CCDC60: variants seen among roughly 807,000 people sequenced by gnomAD.
CCDC60 encodes coiled-coil domain containing 60.
In CCDC60, 54 loss-of-function variants were observed where a neutral mutation model predicts 63.5. That is an observed-to-expected ratio of 0.85 (90% CI 0.68 to 1.07). CCDC60 has a LOEUF of 1.07. Ranked by LOEUF, CCDC60 falls within the 50% of genes least tolerant of loss-of-function variation. The probability of loss-of-function intolerance (pLI) is 0.00; values close to 1 mark genes in which losing one functional copy is unlikely to be tolerated. For missense variants in CCDC60, 651 were observed against 684.3 expected (o/e 0.95, Z 0.54); for synonymous variants, 206 against 238.8 (o/e 0.86, Z 1.27).
intron 3 of CCDC60, among the ~76,000 whole-genome samples, chr12:119,472,576 CTTT>C (rs11303138): frequency 4.2e-4 from 41 of 97,638 alleles, no homozygotes; most frequent in Admixed American, 4.9e-4. Flanking sequence ...AAAATGCCTC[CTTT>C]TTTTTTTTTT....
At chr12:119,429,997 T>A (rs1309711051) in intron 2 of CCDC60, among the ~76,000 whole-genome samples, 1 of 152,198 alleles carries the variant, frequency 6.6e-6, no homozygotes, top group Non-Finnish European at 1.5e-5. Flanking sequence ...AATGTATTGA[T>A]GAGATGCTTT....
chr12:119,498,382 G>A (rs1265323827), intron 5 of CCDC60, among the ~76,000 whole-genome samples: 1 of 151,914 alleles, frequency 6.6e-6, no homozygotes, highest in Non-Finnish European at 1.5e-5. Flanking sequence ...CCCCAGGCTG[G>A]AGTGCAATGG....
intron 1 of CCDC60, among the ~76,000 whole-genome samples, chr12:119,421,367 C>A (rs1956809863): frequency 6.6e-6 from 1 of 152,120 alleles, no homozygotes; most frequent in African/African-American, 2.4e-5. Context: ...ACCGCTACCC[C>A]TCAGGTAGTT....
chr12:119,400,272 A>C (rs1190270589), intron 1 of CCDC60, among the ~76,000 whole-genome samples: 2 of 152,094 alleles, frequency 1.3e-5, no homozygotes, highest in African/African-American at 4.8e-5. Context: ...GATGGTCTCG[A>C]TCTCCTGACC....
At chr12:119,532,870 G>A (rs543208201) in intron 13 of CCDC60, among the ~76,000 whole-genome samples, 37 of 152,204 alleles carry the variant, frequency 2.4e-4, no homozygotes, top group African/African-American at 8.7e-4. Flanking sequence ...TAGTGCTGCA[G>A]TAAACATATG....
At chr12:119,424,588 G>A (rs1339695968) in intron 1 of CCDC60, among the ~76,000 whole-genome samples, 1 of 152,152 alleles carries the variant, frequency 6.6e-6, no homozygotes, top group East Asian at 1.9e-4. Flanking sequence ...CTCTAGAAAG[G>A]TTGTAGAGAG....
intron 7 of CCDC60, among the ~76,000 whole-genome samples, chr12:119,513,848 G>A (rs1439721548): frequency 6.6e-6 from 1 of 152,166 alleles, no homozygotes; most frequent in Non-Finnish European, 1.5e-5. Flanking sequence ...ACAGTACACA[G>A]TACTGTACTT....
rs550503310 is a variant in CCDC60, at chr12:119,436,602, G to A, written c.170+7840G>A. ...TGCCCAGGCTGGAGTGCAATGGCAC[G>A]ATCTCGGCTCACTGCAACCTCCGCC... On this transcript the variant is annotated intron_variant, in intron 2 of 13. Transcript: ENST00000327554. Among the ~76,000 whole-genome samples, 28 of 150,460 alleles carry A rather than the reference G, an allele frequency of 1.9e-4. No homozygotes were observed. In the East Asian group the frequency reaches 2.2e-3, roughly 12 times the overall value.
At chr12:119,405,517 A>T (rs1956470624) in intron 1 of CCDC60, among the ~76,000 whole-genome samples, 1 of 152,222 alleles carries the variant, frequency 6.6e-6, no homozygotes, top group Non-Finnish European at 1.5e-5. Context: ...AAACTCTGTT[A>T]GTTTTTAGAA....
chr12:119,445,488 A>C (rs1950527907), intron 2 of CCDC60, among the ~76,000 whole-genome samples: 1 of 87,466 alleles, frequency 1.1e-5, no homozygotes, highest in Non-Finnish European at 2.2e-5. Context: ...TTCTGCCCTG[A>C]GCTAAAAAAA....
intron 11 of CCDC60, among the ~76,000 whole-genome samples, chr12:119,525,056 G>A (rs1273034880): frequency 6.6e-6 from 1 of 152,110 alleles, no homozygotes; most frequent in East Asian, 1.9e-4. Flanking sequence ...TTGTATTTAT[G>A]TATCATTTAA....
intron 2 of CCDC60, among the ~76,000 whole-genome samples, chr12:119,450,886 G>A (rs182310188): frequency 6.7e-6 from 1 of 150,274 alleles, no homozygotes; most frequent in African/African-American, 2.5e-5. Context: ...GAGAGAGAGA[G>A]ATAAGACAAA....
At chr12:119,378,709 G>T (rs759884361) in intron 1 of CCDC60, among the ~76,000 whole-genome samples, 6 of 152,186 alleles carry the variant, frequency 3.9e-5, no homozygotes, top group Middle Eastern at 3.2e-3. Flanking sequence ...CCCTCCAACA[G>T]TTGTAAGTGG....
intron 6 of CCDC60, among the ~76,000 whole-genome samples, chr12:119,501,487 A>T (rs1951850546): frequency 6.6e-6 from 1 of 152,230 alleles, no homozygotes; most frequent in Admixed American, 6.5e-5. Context: ...TATTAAACAT[A>T]TAAACATCAA....
At chr12:119,399,156 C>G (rs1284392859) in intron 1 of CCDC60, among the ~76,000 whole-genome samples, 1 of 152,166 alleles carries the variant, frequency 6.6e-6, no homozygotes, top group Non-Finnish European at 1.5e-5. Flanking sequence ...CAAGAGGCCC[C>G]AGTTTATCTT....
chr12:119,455,731 AAAAG>A (rs1015800370), intron 2 of CCDC60, among the ~76,000 whole-genome samples: 15 of 149,584 alleles, frequency 1.0e-4, no homozygotes, highest in East Asian at 5.9e-4. Flanking sequence ...CTGTCTCTGA[AAAAG>A]AAAGAAAGAA....
chr12:119,392,258 G>C (rs914704369), intron 1 of CCDC60, among the ~76,000 whole-genome samples: 1 of 152,140 alleles, frequency 6.6e-6, no homozygotes, highest in Non-Finnish European at 1.5e-5. Context: ...AGCAGACATG[G>C]AAGAAGGCAG....
intron 1 of CCDC60, among the ~76,000 whole-genome samples, chr12:119,408,309 G>A (rs1286427891): frequency 6.6e-6 from 1 of 152,154 alleles, no homozygotes; most frequent in Non-Finnish European, 1.5e-5. Flanking sequence ...TCTGTGGGTC[G>A]GGAATCTAGG....
Position 119,456,024 on chromosome 12 carries a change from A to AAAGG in CCDC60, c.171-15967_171-15966insGAAG. On this transcript the variant is annotated intron_variant, in intron 2 of 13. Transcript: ENST00000327554. The surrounding 1 kb of genome is among the most constrained non-coding windows in gnomAD (Gnocchi z 4.6). ...AAGAGAAAGAAAGAAAGAAAGAAAG[A>AAAGG]AAGAAAGAAAGAAAGAAAGAAAGAA... is the stretch of plus-strand genomic sequence containing the variant. 7.6e-6 allele frequency among the ~76,000 whole-genome samples: 1 copy of AAAGG among 132,112 alleles called. No individual in the cohort carries two copies. The highest frequency in any genetic ancestry group is 1.6e-5 in the Non-Finnish European group (1 of 62,452). The allele number at this position is 132,112 out of a possible 152,430, so 86.7% of individuals were successfully genotyped here.
Sources: gnomAD v4.1 joint callset for allele counts (sites outside exome capture counted in the v4.1 genomes callset) on GRCh38, gnomAD v4.1.1 for gene constraint, Gnocchi (gnomAD v3.1) non-coding constraint, MANE v1.5 for transcripts, NCBI Gene and HGNC (gene_info 2026-07-23, HGNC 2026-07-21) for gene names.